MCPH1: variants seen among roughly 807,000 people sequenced by gnomAD.
MCPH1 encodes microcephalin 1.
In MCPH1, 104 loss-of-function variants were observed where a neutral mutation model predicts 84.5. The ratio of observed to expected loss-of-function variants is 1.23; its 90% CI spans 1.05 to 1.45. The LOEUF (loss-of-function observed/expected upper bound fraction) is 1.45. Ranked by LOEUF, MCPH1 falls within the 40% of genes most tolerant of loss-of-function variation. The probability of loss-of-function intolerance (pLI) is 0.00; values close to 1 mark genes in which losing one functional copy is unlikely to be tolerated. For missense variants in MCPH1, 1,498 were observed against 1,005.7 expected (o/e 1.49, Z -6.62); for synonymous variants, 514 against 366.8 (o/e 1.40, Z -4.58).
At chr8:6,591,914 T>C (rs1828486638) in intron 12 of MCPH1, among the ~76,000 whole-genome samples, 1 of 152,170 alleles carries the variant, frequency 6.6e-6, no homozygotes, top group East Asian at 1.9e-4. Context: ...TTCCTTACTG[T>C]ATGTTTAAAA....
In MCPH1 at chr8:6,542,445, T is replaced by G. The variant is rs59497319; in HGVS notation, c.2214+42516T>G. 2.4e-3 allele frequency among the ~76,000 whole-genome samples: 371 copies of G among 152,176 alleles called. 1 individual carries two copies. The highest frequency in any genetic ancestry group is 8.1e-3 in the African/African-American group (337 of 41,504). ...GCTTGGTGGGCAATGGCGGGAGGCT[T>G]TAGACCCTGTAATATTGTCGGAGTG... is the stretch of plus-strand genomic sequence containing the variant. On this transcript the variant is annotated intron_variant, in intron 12 of 13. Coordinates refer to ENST00000344683, the MANE Select transcript of MCPH1 (RefSeq NM_024596.5).
At chr8:6,436,602 C>T (rs1352782894) in intron 5 of MCPH1, among the ~76,000 whole-genome samples, 1 of 151,460 alleles carries the variant, frequency 6.6e-6, no homozygotes, top group Non-Finnish European at 1.5e-5. Flanking sequence ...ATATTATGTT[C>T]TATAACAAGA....
At chr8:6,472,451 C>G (rs1162502100) in intron 9 of MCPH1, among the ~76,000 whole-genome samples, 3 of 151,996 alleles carry the variant, frequency 2.0e-5, no homozygotes, top group Admixed American at 1.3e-4. Context: ...TCTGGGGAAT[C>G]TTAGACAGTT....
chr8:6,499,904 T>A lies in MCPH1; in HGVS notation c.2189T>A (p.Leu730Gln), dbSNP rs771694886. 31 of 1,613,628 alleles carry A rather than the reference T, an allele frequency of 1.9e-5. No individual in the cohort carries two copies. Among genetic ancestry groups the A allele is most frequent in the Non-Finnish European group, 2.5e-5 (30 of 1,179,988 alleles). ...GHWISEEPFE[L>Q]SHHFPAAPLC... Reference sequence around the variant, plus strand: ...TGGATTTCTGAGGAGCCGTTCGAACTGTCTCACCACTTCCCTGCAGCTCCC... The same window carrying A: ...TGGATTTCTGAGGAGCCGTTCGAACAGTCTCACCACTTCCCTGCAGCTCCC... The change falls in exon 12 of 14, where the codon CTG (leucine) becomes CAG (glutamine). Residue 730 changes from leucine to glutamine, a missense_variant. By Grantham distance (113) the Leu-to-Gln change is moderately radical (BLOSUM62 -2). Coordinates refer to ENST00000344683, the MANE Select transcript of MCPH1 (RefSeq NM_024596.5).
chr8:6,439,838 G>C (rs1363676483), intron 6 of MCPH1, among the ~76,000 whole-genome samples: 2 of 152,102 alleles, frequency 1.3e-5, no homozygotes, highest in Non-Finnish European at 1.5e-5. Context: ...ATTTATCAAA[G>C]TAGCTAATAG....
chr8:6,635,168 A>G (rs1194769236), intron 13 of MCPH1: 1 of 152,232 alleles, frequency 6.6e-6, no homozygotes, highest in Non-Finnish European at 1.5e-5. Context: ...AGAAGTACAC[A>G]TTAATGTCAT....
At position 6,493,848 on chromosome 8, in the gene MCPH1, A is replaced by G. The variant is rs184434270; in HGVS notation, c.2137-6004A>G. Among the ~76,000 whole-genome samples the G allele has an allele frequency of 4.1e-4, 63 of 152,294 alleles. 1 individual carries two copies. The highest frequency in any genetic ancestry group is 1.4e-3 in the African/African-American group (60 of 41,548). On this transcript the variant is annotated intron_variant, in intron 11 of 13. Coordinates refer to ENST00000344683, the MANE Select transcript of MCPH1 (RefSeq NM_024596.5). ...CTTTGTCAGTGTTTTACACATCGTC[A>G]AGCTGTTAGTCAAGACAGTAATCCT...
chr8:6,602,956 C>A (rs114253078), intron 12 of MCPH1, among the ~76,000 whole-genome samples: 2 of 151,666 alleles, frequency 1.3e-5, no homozygotes, highest in Non-Finnish European at 2.9e-5. Flanking sequence ...TGTACATAGG[C>A]GCATGTGTGT....
chr8:6,540,948 G>A (rs948191364), intron 12 of MCPH1, among the ~76,000 whole-genome samples: 1 of 152,244 alleles, frequency 6.6e-6, no homozygotes, highest in Non-Finnish European at 1.5e-5. Context: ...CCTGGGGCAA[G>A]AATGGGGACT....
At chr8:6,569,769 A>T (rs1826507377) in intron 12 of MCPH1, among the ~76,000 whole-genome samples, 1 of 152,216 alleles carries the variant, frequency 6.6e-6, no homozygotes, top group African/African-American at 2.4e-5. Context: ...TTTAGAGATG[A>T]TCAGCAATCA....
At chr8:6,531,638 C>T (rs746964247) in intron 12 of MCPH1, among the ~76,000 whole-genome samples, 4 of 152,142 alleles carry the variant, frequency 2.6e-5, no homozygotes, top group Non-Finnish European at 2.9e-5. Context: ...TAATCACTAG[C>T]TCATAGAATC....
In MCPH1 at chr8:6,431,577, T is replaced by TA. The variant is rs759663956; in HGVS notation, c.321dup (p.Arg108ThrfsTer2). 1.5e-4 allele frequency: 232 copies of TA among 1,594,648 alleles called. No homozygotes were observed. The highest frequency in any genetic ancestry group is 3.3e-4 in the Middle Eastern group (2 of 6,004). Reference sequence around the variant, plus strand: ...TGAATGAACACTTATCAAGCCTAATTAAAAAAAAAGTAAGTACATGATTTC... The same window carrying TA: ...TGAATGAACACTTATCAAGCCTAATTAAAAAAAAAAGTAAGTACATGATTTC... On this transcript the variant is annotated frameshift_variant, in exon 4 of 14. Transcript: ENST00000344683. LOFTEE classifies it high-confidence loss of function.
intron 9 of MCPH1, among the ~76,000 whole-genome samples, chr8:6,461,393 T>G (rs1329774992): frequency 6.7e-6 from 1 of 149,272 alleles, no homozygotes; most frequent in Non-Finnish European, 1.5e-5. Context: ...TGGCCCAGTC[T>G]TGGCTCACTG....
intron 12 of MCPH1, chr8:6,501,462 C>G (rs574409159): frequency 6.6e-6 from 1 of 151,760 alleles, no homozygotes; most frequent in South Asian, 2.1e-4. Flanking sequence ...ATTAATTGTA[C>G]TATGAAAATT....
chr8:6,624,251 T>A (rs1043294694), intron 13 of MCPH1, among the ~76,000 whole-genome samples: 12 of 152,268 alleles, frequency 7.9e-5, no homozygotes, highest in Non-Finnish European at 1.5e-4. Context: ...CCTCTTTTTC[T>A]TTCCTCCTGT....
At chr8:6,593,587 C>T (rs1005652732) in intron 12 of MCPH1, among the ~76,000 whole-genome samples, 1 of 152,168 alleles carries the variant, frequency 6.6e-6, no homozygotes, top group Non-Finnish European at 1.5e-5. Flanking sequence ...CTCCTGACCT[C>T]AGGTGATCCA....
chr8:6,576,911 C>T (rs988000845), intron 12 of MCPH1, among the ~76,000 whole-genome samples: 4 of 151,804 alleles, frequency 2.6e-5, no homozygotes, highest in Admixed American at 1.3e-4. Flanking sequence ...CTCAGCCGCC[C>T]CTGCTCAGAT....
chr8:6,518,131 G>A (rs1586298996), intron 12 of MCPH1, among the ~76,000 whole-genome samples: 1 of 152,184 alleles, frequency 6.6e-6, no homozygotes, highest in African/African-American at 2.4e-5. Flanking sequence ...CACTTAGACT[G>A]AGAAACATAG....
At position 6,643,124 on chromosome 8, in the gene MCPH1, A is replaced by C. The variant is rs761691360; in HGVS notation, c.*75A>C. ...TTTGGATGTTCAAATGAGAAACAAA[A>C]CTGTGAAGAGAAGGAACTGGCGTAT... is the stretch of plus-strand genomic sequence containing the variant. On this transcript the variant is annotated 3_prime_UTR_variant, in exon 14 of 14. Transcript: ENST00000344683. 7.7e-6 allele frequency: 10 copies of C among 1,294,528 alleles called. No individual in the cohort carries two copies. The South Asian group carries it at 1.1e-4, about 14-fold the overall frequency. The allele number at this position is 1,294,528 out of a possible 1,614,324, so 80.2% of individuals were successfully genotyped here.
Sources: allele counts gnomAD v4.1 joint callset (sites outside exome capture counted in the v4.1 genomes callset), GRCh38; gene constraint gnomAD v4.1.1; transcripts MANE v1.5; gene names NCBI Gene and HGNC (gene_info 2026-07-23, HGNC 2026-07-21).